CFAP96: variants seen among roughly 807,000 people sequenced by gnomAD.
CFAP96 encodes the protein cilia-and flagella-associated protein 96.
the CFAP96 span, chr4:185,431,878 T>G: frequency 6.4e-6 from 6 of 943,230 alleles, no homozygotes; most frequent in South Asian, 8.7e-5. Context: ...GAGCTCAAAA[T>G]TCATAATTGG....
the CFAP96 span, chr4:185,413,799 T>C: frequency 6.2e-7 from 1 of 1,613,472 alleles, no homozygotes; most frequent in Non-Finnish European, 8.5e-7. Flanking sequence ...GTATGGCTCA[T>C]CTGGAAAGTG....
At chr4:185,416,769 A>C in the CFAP96 span, among the ~76,000 whole-genome samples, 1 of 152,240 alleles carries the variant, frequency 6.6e-6, no homozygotes, top group Admixed American at 6.5e-5. Context: ...CAGCTTGAAG[A>C]AACTTCTATT....
chr4:185,425,974 C>G, the CFAP96 span: 36 of 1,289,250 alleles, frequency 2.8e-5, no homozygotes, highest in Admixed American at 6.2e-5. Context: ...CCCGGGCGGA[C>G]CAACTACAAC....
chr4:185,423,527 C>T, the CFAP96 span, among the ~76,000 whole-genome samples: 1 of 151,446 alleles, frequency 6.6e-6, no homozygotes, highest in Non-Finnish European at 1.5e-5. Flanking sequence ...GATTCGGGTA[C>T]ATGGATATTA....
chr4:185,413,070 C>G, the CFAP96 span, among the ~76,000 whole-genome samples: 1 of 152,140 alleles, frequency 6.6e-6, no homozygotes, highest in African/African-American at 2.4e-5. Context: ...CTTTGGGAGG[C>G]CTACATGGCG....
the CFAP96 span, chr4:185,445,244 G>A: frequency 7.3e-5 from 72 of 985,272 alleles, no homozygotes; most frequent in Non-Finnish European, 1.0e-4. Flanking sequence ...ACAAATGTGG[G>A]TGACTTTAGA....
chr4:185,442,296 A>T, the CFAP96 span, among the ~76,000 whole-genome samples: 8 of 152,102 alleles, frequency 5.3e-5, no homozygotes, highest in African/African-American at 1.9e-4. Context: ...TAACATATTT[A>T]TAATTTGAAT....
the CFAP96 span, among the ~76,000 whole-genome samples, chr4:185,424,764 T>C: frequency 6.6e-6 from 1 of 152,236 alleles, no homozygotes; most frequent in Admixed American, 6.5e-5. Flanking sequence ...TTAACTCTGC[T>C]ACTTACTGTA....
At chr4:185,417,979 A>C in the CFAP96 span, among the ~76,000 whole-genome samples, 1 of 150,564 alleles carries the variant, frequency 6.6e-6, no homozygotes, top group South Asian at 2.1e-4. Context: ...GGGAGGCGGA[A>C]GTTGCAGTGA....
chr4:185,426,817 C>A, the CFAP96 span, among the ~76,000 whole-genome samples: 26 of 147,324 alleles, frequency 1.8e-4, no homozygotes, highest in Non-Finnish European at 3.4e-4. Flanking sequence ...GCATCACCTG[C>A]GCTCACGAGT....
At chr4:185,440,483 GGTTATTTTCAATTTGTGAAATTTGT>G in the CFAP96 span, 1 of 1,074,490 alleles carries the variant, frequency 9.3e-7, no homozygotes, top group Non-Finnish European at 1.3e-6. Context: ...TTTAACTCTG[GGTTATTTTCAATTTGTGAAATTTGT>G]GCTATGTAAT....
At chr4:185,420,567 G>A in the CFAP96 span, among the ~76,000 whole-genome samples, 1 of 152,116 alleles carries the variant, frequency 6.6e-6, no homozygotes, top group Non-Finnish European at 1.5e-5. Flanking sequence ...AGCTATTGTA[G>A]AGATTACTCA....
the CFAP96 span, among the ~76,000 whole-genome samples, chr4:185,412,070 G>C: frequency 1.3e-5 from 2 of 151,240 alleles, no homozygotes; most frequent in Non-Finnish European, 3.0e-5. Flanking sequence ...GACTGGTAAA[G>C]TTTTGCTTCT....
chr4:185,418,584 C>G, the CFAP96 span: 2 of 1,612,618 alleles, frequency 1.2e-6, no homozygotes, highest in East Asian at 4.5e-5. Flanking sequence ...CAAACATACT[C>G]ACTGAATAAA....
the CFAP96 span, among the ~76,000 whole-genome samples, chr4:185,410,630 C>G: frequency 7.4e-6 from 1 of 135,948 alleles, no homozygotes. Context: ...CCTGGGCAAC[C>G]GAGCAAGACT....
the CFAP96 span, chr4:185,445,096 C>T: frequency 6.4e-7 from 1 of 1,551,524 alleles, no homozygotes; most frequent in Non-Finnish European, 8.7e-7. Context: ...AAAAAGCAGA[C>T]CAGTTGAAAG....
the CFAP96 span, chr4:185,445,671 A>G: frequency 1.7e-6 from 1 of 581,118 alleles, no homozygotes; most frequent in East Asian, 3.0e-5. Context: ...CTCAAAACTG[A>G]AAAAGTTCTT....
the CFAP96 span, chr4:185,422,389 C>T: frequency 1.1e-6 from 1 of 884,518 alleles, no homozygotes; most frequent in Non-Finnish European, 1.8e-6. Context: ...CTTAGTTCAT[C>T]CTATCTCTCT....
the CFAP96 span, among the ~76,000 whole-genome samples, chr4:185,428,692 T>A: frequency 6.6e-6 from 1 of 152,204 alleles, no homozygotes; most frequent in Non-Finnish European, 1.5e-5. Context: ...AGCTCAGAGT[T>A]GAAGTATACC....
Sources: allele counts gnomAD v4.1 joint callset (sites outside exome capture counted in the v4.1 genomes callset), GRCh38; gene constraint gnomAD v4.1.1; transcripts MANE v1.5; gene names NCBI Gene and HGNC (gene_info 2026-07-23, HGNC 2026-07-21).